The following SLC37A1 variants were observed in gnomAD, a reference collection of about 807,000 sequenced individuals.
SLC37A1 encodes the protein solute carrier family 37 member 1.
In SLC37A1, 49 loss-of-function variants were observed where a neutral mutation model predicts 75.3. The ratio of observed to expected loss-of-function variants is 0.65; its 90% CI spans 0.52 to 0.83. The LOEUF is 0.83. Among genes scored for constraint, SLC37A1 ranks in the 40% least tolerant of loss-of-function variants. The pLI is 0.00. For missense variants in SLC37A1, 566 were observed against 695.0 expected (o/e 0.81, Z 2.09); for synonymous variants, 268 against 292.1 (o/e 0.92, Z 0.84).
At chr21:42,553,013 C>CA (rs1036238078) in intron 9 of SLC37A1, among the ~76,000 whole-genome samples, 8 of 152,218 alleles carry the variant, frequency 5.3e-5, no homozygotes, top group African/African-American at 1.9e-4. Context: ...GTAATAAGAT[C>CA]AATAGTTTTT....
At chr21:42,530,715 G>T (rs1308003832) in intron 3 of SLC37A1, among the ~76,000 whole-genome samples, 1 of 150,528 alleles carries the variant, frequency 6.6e-6, no homozygotes, top group African/African-American at 2.4e-5. Context: ...CCTCCAGGGG[G>T]ATTCAGTGAG....
chr21:42,542,347 A>G (rs963386969), intron 6 of SLC37A1, 57 bp from the exon 7 acceptor site: 52 of 1,525,550 alleles, frequency 3.4e-5, no homozygotes, highest in Non-Finnish European at 4.3e-5. Context: ...ACCTCCCTGC[A>G]GCGCTGTCCC....
intron 9 of SLC37A1, among the ~76,000 whole-genome samples, chr21:42,549,348 C>T (rs2055499705): frequency 6.6e-6 from 1 of 152,178 alleles, no homozygotes; most frequent in South Asian, 2.1e-4. Context: ...AGAGGCATTG[C>T]TTCTGCTCCT....
At chr21:42,575,690 T>C in intron 18 of SLC37A1, 1 of 985,448 alleles carries the variant, frequency 1.0e-6, no homozygotes, top group Non-Finnish European at 1.2e-6. Flanking sequence ...CTTAGGCTGA[T>C]CCCAATAAAA....
At chr21:42,530,654 A>ACACACACACACC (rs1161313598) in intron 3 of SLC37A1, among the ~76,000 whole-genome samples, 394 of 35,874 alleles carry the variant, frequency 0.011, 20 homozygotes, top group Non-Finnish European at 0.015. Flanking sequence ...ACACACACAC[A>ACACACACACACC]CCCCCTCTGT....
chr21:42,565,915 T>A (rs746111201), intron 15 of SLC37A1, 40 bp downstream of exon 15: 3 of 1,595,006 alleles, frequency 1.9e-6, no homozygotes, highest in Admixed American at 1.7e-5. Context: ...CCACACACGT[T>A]TTTAAAGTTC....
chr21:42,547,165 T>C lies in SLC37A1; in HGVS notation c.768+25T>C, dbSNP rs1569015178. 6.2e-7 allele frequency: 1 copy of C among 1,614,136 alleles called. No homozygotes were observed. The highest frequency in any genetic ancestry group is 1.7e-5 in the Admixed American group (1 of 60,026). ...GGTAAGGACCCTGTTTTCTTGTCCTTTTCTAGAACAGTGTGCGGTTCTGAC... is the reference window on the plus strand; with the variant it reads ...GGTAAGGACCCTGTTTTCTTGTCCTCTTCTAGAACAGTGTGCGGTTCTGAC... On this transcript the variant is annotated intron_variant, in intron 9 of 19. Coordinates refer to ENST00000352133, the MANE Select transcript of SLC37A1 (RefSeq NM_001320537.2). The surrounding 1 kb of genome is among the most constrained non-coding windows in gnomAD (Gnocchi z 6.1).
chr21:42,561,833 A>T, intron 11 of SLC37A1: 1 of 462,952 alleles, frequency 2.2e-6, no homozygotes, highest in East Asian at 3.4e-5. Context: ...CTGGGGCCCC[A>T]CCCTTCTCAG....
At chr21:42,524,689 A>G (rs979993186) in intron 2 of SLC37A1, among the ~76,000 whole-genome samples, 54 of 152,222 alleles carry the variant, frequency 3.5e-4, no homozygotes, top group African/African-American at 1.3e-3. Flanking sequence ...TTGTAAACTC[A>G]AGTGTGCATC....
At chr21:42,521,875 C>G (rs2054658685) in intron 2 of SLC37A1, among the ~76,000 whole-genome samples, 1 of 152,212 alleles carries the variant, frequency 6.6e-6, no homozygotes, top group Non-Finnish European at 1.5e-5. Flanking sequence ...CATGGTACCA[C>G]AAGCTGGGTG....
intron 2 of SLC37A1, among the ~76,000 whole-genome samples, chr21:42,518,922 T>C (rs1345477167): frequency 1.3e-5 from 2 of 152,266 alleles, no homozygotes; most frequent in East Asian, 3.8e-4. Context: ...TGAAATGTTC[T>C]GGTGCAGCCC....
At position 42,547,107 on chromosome 21, in the gene SLC37A1, G is replaced by T; in HGVS notation, c.735G>T (p.Pro245=). The T allele has an allele frequency of 6.2e-7, 1 of 1,614,146 alleles. No homozygotes were observed. Among genetic ancestry groups the T allele is most frequent in the Non-Finnish European group, 8.5e-7 (1 of 1,180,024 alleles). The change falls in exon 9 of 20, where the codon CCG becomes CCT. Residue 245 remains proline (P), a synonymous_variant. Transcript: ENST00000352133. The surrounding 1 kb of genome is among the most constrained non-coding windows in gnomAD (Gnocchi z 6.1). ...IVCFLFLIEH[P]NDVRCSSTLV... ...CACTCATGTTTGCTCTTTCAGATCC[G>T]AACGACGTCAGGTGCTCCTCCACCC...
intron 1 of SLC37A1, among the ~76,000 whole-genome samples, chr21:42,501,640 A>AGGCAGAGGTTGCAGTG (rs1176617617): frequency 6.6e-6 from 1 of 152,230 alleles, no homozygotes; most frequent in African/African-American, 2.4e-5. Flanking sequence ...TGAACCCGGG[A>AGGCAGAGGTTGCAGTG]GGCAGAGGTT....
intron 2 of SLC37A1, among the ~76,000 whole-genome samples, chr21:42,520,064 T>C (rs1454444072): frequency 2.0e-5 from 3 of 152,196 alleles, no homozygotes; most frequent in Admixed American, 2.0e-4. Flanking sequence ...TACCCTCTTA[T>C]TTGTAAATAC....
At chr21:42,518,579 G>C (rs889486233) in intron 2 of SLC37A1, 69 bp downstream of exon 2, 32 of 1,537,662 alleles carry the variant, frequency 2.1e-5, no homozygotes, top group Non-Finnish European at 2.7e-5. Context: ...GCAGGTAGTT[G>C]TGTTGCCCCA....
intron 2 of SLC37A1, among the ~76,000 whole-genome samples, chr21:42,522,319 TAAAG>T (rs1347821099): frequency 1.9e-4 from 29 of 152,108 alleles, no homozygotes; most frequent in Non-Finnish European, 8.8e-5. Context: ...TTATAAATGA[TAAAG>T]AAAACGTAGA....
At position 42,505,512 on chromosome 21, in the gene SLC37A1, G is replaced by A. The variant is rs117160569; in HGVS notation, c.-179+3095G>A. On this transcript the variant is annotated intron_variant, in intron 2 of 20. Transcript: ENST00000398341. Reference sequence around the variant, plus strand: ...TCCAGGTGACTGTGTCTCCCAGGTGGGTAGCCCCTGAAGTAACCCTCTACA... The same window carrying A: ...TCCAGGTGACTGTGTCTCCCAGGTGAGTAGCCCCTGAAGTAACCCTCTACA... 6.0e-3 allele frequency among the ~76,000 whole-genome samples: 911 copies of A among 152,190 alleles called. 10 individuals carry two copies. The highest frequency in any genetic ancestry group is 0.011 in the Non-Finnish European group (715 of 67,998).
Position 42,568,382 on chromosome 21 carries a change from G to A in SLC37A1, c.1367G>A (p.Gly456Asp). Residue 456 changes from glycine to aspartate, a missense_variant, in exon 17 of 20, where the codon GGC becomes GAC. Transcript: ENST00000352133. ...ADLGTHKSLK[G>D]NAHALSTVTA... ...TAGGGGACTCATAAAAGTCTGAAAG[G>A]CAACGCGCACGCCCTCTCCACCGTG... is the stretch of plus-strand genomic sequence containing the variant. The A allele has an allele frequency of 6.2e-7, 1 of 1,614,078 alleles. No individual in the cohort carries two copies. The highest frequency in any genetic ancestry group is 8.5e-7 in the Non-Finnish European group (1 of 1,179,994).
chr21:42,512,371 A>T (rs1260066484), upstream of SLC37A1, among the ~76,000 whole-genome samples: 4 of 152,136 alleles, frequency 2.6e-5, no homozygotes, highest in Middle Eastern at 6.3e-3. Context: ...ACAAGATCAG[A>T]TTTTGCTTTA....
Sources: allele counts gnomAD v4.1 joint callset (sites outside exome capture counted in the v4.1 genomes callset), GRCh38; gene constraint gnomAD v4.1.1; non-coding constraint Gnocchi (gnomAD v3.1); transcripts MANE v1.5; gene names NCBI Gene and HGNC (gene_info 2026-07-23, HGNC 2026-07-21).